Variants in STRN3 observed in about 807,000 individuals in gnomAD.
The protein encoded by STRN3 is striatin 3.
In STRN3, 29 loss-of-function variants were observed where a neutral mutation model predicts 95.6. The observed-to-expected ratio is 0.30, with a 90% confidence interval of 0.23 to 0.41. The LOEUF is 0.41. STRN3 is among the 10% of genes least tolerant of loss of function. The probability of loss-of-function intolerance (pLI) is 1.00; values close to 1 mark genes in which losing one functional copy is unlikely to be tolerated. For missense variants in STRN3, 890 were observed against 972.1 expected (o/e 0.92, Z 1.12); for synonymous variants, 331 against 357.6 (o/e 0.93, Z 0.84).
In STRN3 at chr14:30,911,812, T is replaced by C; in HGVS notation, c.1563A>G (p.Leu521=). The C allele has an allele frequency of 6.2e-7, 1 of 1,607,462 alleles. No homozygotes were observed. Among genetic ancestry groups the C allele is most frequent in the Non-Finnish European group, 8.5e-7 (1 of 1,178,050 alleles). Residue 521 remains leucine, a synonymous_variant, in exon 12 of 18, where the codon TTA becomes TTG. Transcript: ENST00000357479. ...KTVPAKKSAS[L]DVEPIYTFRA... ...TAAATGTGTAGATAGGCTCTACATC[T>C]AAAGAGGCACTCCTAAAAGAGGGGG...
chr14:31,001,643 CA>C (rs1005973135), intron 1 of STRN3, among the ~76,000 whole-genome samples: 1 of 152,022 alleles, frequency 6.6e-6, no homozygotes, highest in African/African-American at 2.4e-5. Context: ...TCGGTCGTAC[CA>C]AAAGAATTGG....
chr14:31,020,140 T>C (rs967335981), intron 1 of STRN3, among the ~76,000 whole-genome samples: 2 of 152,202 alleles, frequency 1.3e-5, no homozygotes, highest in African/African-American at 4.8e-5. Flanking sequence ...TCTAGAAGTA[T>C]ACATTTAGGA....
chr14:30,931,401 C>T (rs1009350609), intron 7 of STRN3, among the ~76,000 whole-genome samples: 2 of 151,990 alleles, frequency 1.3e-5, no homozygotes, highest in Admixed American at 6.6e-5. Flanking sequence ...TAAAAGAAAA[C>T]ACAAATATGC....
intron 1 of STRN3, among the ~76,000 whole-genome samples, chr14:30,959,648 A>G (rs1326050319): frequency 6.6e-6 from 1 of 152,082 alleles, no homozygotes; most frequent in African/African-American, 2.4e-5. Flanking sequence ...CACATTCCCC[A>G]TGGCATCAAA....
intron 1 of STRN3, 57 bp downstream of exon 1, chr14:31,025,846 AC>A (rs1012155048): frequency 3.9e-6 from 6 of 1,553,874 alleles, no homozygotes; most frequent in Non-Finnish European, 2.6e-6. Flanking sequence ...CCCCAGCCCC[AC>A]CCCCCGGCCG....
intron 1 of STRN3, among the ~76,000 whole-genome samples, chr14:31,015,055 C>T (rs572606291): frequency 6.6e-6 from 1 of 152,284 alleles, no homozygotes; most frequent in African/African-American, 2.4e-5. Context: ...TCTCAAACTC[C>T]TGACCTCAAG....
chr14:30,981,750 C>T (rs749117282), intron 1 of STRN3, among the ~76,000 whole-genome samples: 4 of 152,162 alleles, frequency 2.6e-5, no homozygotes, highest in Non-Finnish European at 5.9e-5. Context: ...AACTTGCTTG[C>T]AAGAGCTTAT....
At chr14:30,956,335 T>C (rs992554552) in intron 1 of STRN3, 93 bp from the exon 2 acceptor site, 1 of 1,155,090 alleles carries the variant, frequency 8.7e-7, no homozygotes. Flanking sequence ...ACTGTTGCAC[T>C]TGACTCATGA....
At chr14:30,924,364 T>C (rs1472944795) in intron 8 of STRN3, among the ~76,000 whole-genome samples, 3 of 139,302 alleles carry the variant, frequency 2.2e-5, no homozygotes, top group African/African-American at 8.0e-5. Flanking sequence ...CCTGACTCAC[T>C]GCAACCTCCG....
chr14:30,983,312 G>A (rs1029396618), intron 1 of STRN3, among the ~76,000 whole-genome samples: 5 of 152,178 alleles, frequency 3.3e-5, no homozygotes, highest in Admixed American at 1.3e-4. Context: ...GGAGGCTGAG[G>A]TGGGAGGATC....
At chr14:30,914,825 C>T (rs577105400) in intron 9 of STRN3, among the ~76,000 whole-genome samples, 31 of 152,332 alleles carry the variant, frequency 2.0e-4, no homozygotes, top group Middle Eastern at 3.4e-3. Flanking sequence ...GTTTTCTCAA[C>T]TATATCATGT....
intron 8 of STRN3, among the ~76,000 whole-genome samples, chr14:30,923,713 A>G (rs980513237): frequency 1.3e-5 from 2 of 152,290 alleles, no homozygotes; most frequent in Admixed American, 1.3e-4. Context: ...GCTTAAGAGT[A>G]ACAACAGGCT....
intron 1 of STRN3, among the ~76,000 whole-genome samples, chr14:31,010,928 A>G (rs940091647): frequency 3.3e-5 from 5 of 152,208 alleles, no homozygotes; most frequent in Admixed American, 6.5e-5. Flanking sequence ...AATCCTAGCT[A>G]CTCAGGAGGG....
chr14:30,951,041 C>T, intron 3 of STRN3, 97 bp from the exon 4 acceptor site: 6 of 1,019,994 alleles, frequency 5.9e-6, no homozygotes, highest in Non-Finnish European at 8.7e-6. Flanking sequence ...AAAAACATAC[C>T]TATTTTATAA....
At chr14:30,989,146 T>C (rs1189673815) in intron 1 of STRN3, among the ~76,000 whole-genome samples, 1 of 152,162 alleles carries the variant, frequency 6.6e-6, no homozygotes, top group Non-Finnish European at 1.5e-5. Context: ...AAGTTCAAGA[T>C]AAAGAGAGGG....
At chr14:30,981,601 CA>C (rs1881401858) in intron 1 of STRN3, among the ~76,000 whole-genome samples, 2 of 151,820 alleles carry the variant, frequency 1.3e-5, no homozygotes, top group African/African-American at 4.8e-5. Flanking sequence ...CACACACACA[CA>C]CACACCCCAT....
chr14:31,013,931 G>A (rs928364542), intron 1 of STRN3, among the ~76,000 whole-genome samples: 1 of 133,598 alleles, frequency 7.5e-6, no homozygotes, highest in Admixed American at 7.6e-5. Context: ...GAGACAGAGT[G>A]TCAGTCTATT....
intron 1 of STRN3, among the ~76,000 whole-genome samples, chr14:30,995,975 T>C (rs1882179324): frequency 6.6e-6 from 1 of 152,186 alleles, no homozygotes; most frequent in Admixed American, 6.5e-5. Context: ...ATCAAACCTC[T>C]AGCCCTTACG....
At chr14:31,006,298 T>TA (rs764610313) in intron 1 of STRN3, among the ~76,000 whole-genome samples, 1 of 152,130 alleles carries the variant, frequency 6.6e-6, no homozygotes, top group Non-Finnish European at 1.5e-5. Context: ...CTCATGCCTG[T>TA]AATCCTAGAA....
Sources: allele counts gnomAD v4.1 joint callset (sites outside exome capture counted in the v4.1 genomes callset), GRCh38; gene constraint gnomAD v4.1.1; transcripts MANE v1.5; gene names NCBI Gene and HGNC (gene_info 2026-07-23, HGNC 2026-07-21).